The following STARD13 variants were observed in gnomAD, a reference collection of about 807,000 sequenced individuals.
STARD13 encodes the protein StAR related lipid transfer domain containing 13, also known as stAR-related lipid transfer protein 13.
In STARD13, 62 loss-of-function variants were observed where a neutral mutation model predicts 106.4. The observed-to-expected ratio is 0.58, with a 90% CI of 0.48 to 0.72. The LOEUF is 0.72. STARD13 is among the 30% of genes least tolerant of loss of function. STARD13 has a pLI of 0.00. For missense variants in STARD13, 1,387 were observed against 1,424.0 expected, an observed-to-expected ratio of 0.97 and a Z score of 0.42; for synonymous variants, 565 against 553.0, an observed-to-expected ratio of 1.02 and a Z score of -0.31.
rs759085126 is a variant in STARD13 at position 33,157,716 on chromosome 13, G to A, written c.323+7621C>T. Reference sequence around the variant, plus strand: ...AAATTCAGAGATCATCTTGAGCATCGGGGCTGTATGTCAGCAGCCTGAGCA... The same window carrying A: ...AAATTCAGAGATCATCTTGAGCATCAGGGCTGTATGTCAGCAGCCTGAGCA... On this transcript the variant is annotated intron_variant, in intron 3 of 13. Transcript: ENST00000336934. Among the ~76,000 whole-genome samples the A allele has an allele frequency of 9.9e-5, 15 of 152,240 alleles. 1 individual carries two copies. The highest frequency in any genetic ancestry group is 2.6e-4 in the African/African-American group (11 of 41,552).
the STARD13 span, among the ~76,000 whole-genome samples, chr13:33,662,283 T>G: frequency 1.3e-5 from 2 of 152,010 alleles, no homozygotes; most frequent in African/African-American, 4.8e-5. Flanking sequence ...AAAAGTTATT[T>G]ATTTCTTGCC....
At chr13:33,373,455 A>G in the STARD13 span, among the ~76,000 whole-genome samples, 1 of 152,162 alleles carries the variant, frequency 6.6e-6, no homozygotes, top group Non-Finnish European at 1.5e-5. Flanking sequence ...TGAAAGCACT[A>G]TAGTTAAGTT....
intron 1 of STARD13, among the ~76,000 whole-genome samples, chr13:33,312,756 G>A (rs886322215): frequency 6.6e-6 from 1 of 152,172 alleles, no homozygotes; most frequent in African/African-American, 2.4e-5. Flanking sequence ...AAACTCTGCT[G>A]ATTGAGTATG....
At chr13:33,298,296 ATTT>A (rs10718236) in intron 1 of STARD13, among the ~76,000 whole-genome samples, 6 of 137,866 alleles carry the variant, frequency 4.4e-5, no homozygotes, top group Non-Finnish European at 7.8e-5. Context: ...TGCTCAGCTA[ATTT>A]TTTTTTTTTT....
chr13:33,298,968 TAC>T (rs1892607164), intron 1 of STARD13, among the ~76,000 whole-genome samples: 2 of 152,340 alleles, frequency 1.3e-5, no homozygotes, highest in Non-Finnish European at 2.9e-5. Context: ...GCTTTAAAAA[TAC>T]AGTCTTACAC....
chr13:33,542,317 C>T, the STARD13 span, among the ~76,000 whole-genome samples: 2 of 152,172 alleles, frequency 1.3e-5, no homozygotes, highest in East Asian at 3.8e-4. Flanking sequence ...GCATTTGGAT[C>T]GCTAAGGACT....
intron 1 of STARD13, chr13:33,350,246 G>A (rs984769177): frequency 2.2e-5 from 33 of 1,501,714 alleles, no homozygotes; most frequent in Non-Finnish European, 2.8e-5. Context: ...CGGGGCCGGC[G>A]CCTCCCCCGC....
chr13:33,665,497 C>T, the STARD13 span, among the ~76,000 whole-genome samples: 3 of 152,148 alleles, frequency 2.0e-5, no homozygotes, highest in East Asian at 1.9e-4. Context: ...AGTTATCTCT[C>T]GATGAGCAGT....
At chr13:33,429,132 A>G in the STARD13 span, among the ~76,000 whole-genome samples, 1 of 152,336 alleles carries the variant, frequency 6.6e-6, no homozygotes, top group Admixed American at 6.5e-5. Flanking sequence ...TCAAAACACT[A>G]AAAATTGAGC....
chr13:33,588,480 T>C, the STARD13 span, among the ~76,000 whole-genome samples: 1 of 152,214 alleles, frequency 6.6e-6, no homozygotes, highest in Non-Finnish European at 1.5e-5. Context: ...GGCAAACTAC[T>C]GTAAAAAAGC....
chr13:33,603,796 C>T, the STARD13 span, among the ~76,000 whole-genome samples: 3 of 152,232 alleles, frequency 2.0e-5, no homozygotes, highest in Admixed American at 1.3e-4. Context: ...GTTTTAGCCT[C>T]AGACCTGTGT....
intron 1 of STARD13, among the ~76,000 whole-genome samples, chr13:33,263,413 A>G (rs1890743404): frequency 6.6e-6 from 1 of 152,230 alleles, no homozygotes; most frequent in Admixed American, 6.5e-5. Flanking sequence ...CCAAGGATTC[A>G]GGAGCAGCAA....
intron 1 of STARD13, among the ~76,000 whole-genome samples, chr13:33,311,202 C>A (rs930539708): frequency 4.0e-5 from 6 of 150,874 alleles, no homozygotes; most frequent in African/African-American, 1.2e-4. Flanking sequence ...GAGGCTGAGG[C>A]GGGATGATCT....
the STARD13 span, chr13:33,355,786 G>C: frequency 6.6e-6 from 1 of 152,206 alleles, no homozygotes; most frequent in African/African-American, 2.4e-5. Context: ...TCACCAATCT[G>C]TGCCTGCCCT....
chr13:33,390,924 C>A, the STARD13 span, among the ~76,000 whole-genome samples: 1 of 152,040 alleles, frequency 6.6e-6, no homozygotes, highest in Non-Finnish European at 1.5e-5. Flanking sequence ...GGACTGGTTC[C>A]TACTTCTGTC....
At chr13:33,454,734 T>TA in the STARD13 span, among the ~76,000 whole-genome samples, 2 of 152,198 alleles carry the variant, frequency 1.3e-5, no homozygotes, top group African/African-American at 4.8e-5. Flanking sequence ...GTGGCATGCT[T>TA]AGATTTGTGA....
chr13:33,285,824 G>A, upstream of STARD13: 1 of 1,345,956 alleles, frequency 7.4e-7, no homozygotes, highest in Non-Finnish European at 9.6e-7. Flanking sequence ...GTGACCTCGG[G>A]AACCAATGAG....
At chr13:33,152,416 CAAAAA>C (rs34146261) in intron 3 of STARD13, among the ~76,000 whole-genome samples, 7 of 138,200 alleles carry the variant, frequency 5.1e-5, no homozygotes, top group African/African-American at 1.6e-4. Flanking sequence ...TTCAGTCATA[CAAAAA>C]AAAAAAAAAA....
chr13:33,499,604 T>TTCTTCCTTCTTCTTCTTCTTC, the STARD13 span, among the ~76,000 whole-genome samples: 2 of 39,898 alleles, frequency 5.0e-5, no homozygotes, highest in African/African-American at 1.8e-4. Flanking sequence ...CTTCTTCTTC[T>TTCTTCCTTCTTCTTCTTCTTC]TTCTTCTTCT....
Sources: allele counts gnomAD v4.1 joint callset (sites outside exome capture counted in the v4.1 genomes callset), GRCh38; gene constraint gnomAD v4.1.1; transcripts MANE v1.5; gene names NCBI Gene and HGNC (gene_info 2026-07-23, HGNC 2026-07-21).